Variants in SLC6A4 observed in about 807,000 individuals in gnomAD.
The protein encoded by SLC6A4 is solute carrier family 6 member 4, also known as sodium-dependent serotonin transporter.
A neutral mutation model predicts 73.4 loss-of-function variants in SLC6A4; 22 were observed. The ratio of observed to expected loss-of-function variants is 0.30; its 90% CI spans 0.21 to 0.43. The LOEUF (loss-of-function observed/expected upper bound fraction) is 0.43. SLC6A4 is among the 20% of genes least tolerant of loss of function. SLC6A4 has a pLI of 1.00. For synonymous variants in SLC6A4, 270 were observed against 315.5 expected, an observed-to-expected ratio of 0.86 and a Z score of 1.53; for missense variants, 593 against 808.5, an observed-to-expected ratio of 0.73 and a Z score of 3.23.
chr17:30,210,198 A>C (rs1342605255), intron 11 of SLC6A4, among the ~76,000 whole-genome samples: 2 of 152,234 alleles, frequency 1.3e-5, no homozygotes, highest in Non-Finnish European at 2.9e-5. Flanking sequence ...TCCTCAAGAA[A>C]GCAGCTCTAA....
intron 1 of SLC6A4, among the ~76,000 whole-genome samples, chr17:30,226,849 G>A (rs1426122418): frequency 7.0e-6 from 1 of 143,772 alleles, no homozygotes; most frequent in East Asian, 1.9e-4. Context: ...CTCCAGCCTG[G>A]GCGATAGAGT....
At chr17:30,208,284 G>A (rs1027451418) in intron 12 of SLC6A4, among the ~76,000 whole-genome samples, 1 of 152,100 alleles carries the variant, frequency 6.6e-6, no homozygotes, top group Non-Finnish European at 1.5e-5. Flanking sequence ...TGGTGAACCC[G>A]CCTGACAGAC....
intron 4 of SLC6A4, 30 bp from the exon 5 acceptor site, chr17:30,218,367 G>A: frequency 3.2e-6 from 5 of 1,579,506 alleles, no homozygotes; most frequent in Non-Finnish European, 4.3e-6. Context: ...GAGAGACAGA[G>A]GCCGAGTTTA....
At position 30,198,087 on chromosome 17, in the gene SLC6A4, GCAAA is replaced by G; in HGVS notation, c.*365_*368del. On this transcript the variant is annotated 3_prime_UTR_variant, in exon 15 of 15. Coordinates refer to ENST00000650711, the MANE Select transcript of SLC6A4 (RefSeq NM_001045.6). ...TTCATGAACAGTGAAACCTTTAGAAGCAAACAGATATCAGATACCAATGATCATA... is the reference window on the plus strand; with the variant it reads ...TTCATGAACAGTGAAACCTTTAGAAGCAGATATCAGATACCAATGATCATA... 1 of 207,028 alleles carries G rather than the reference GCAAA, an allele frequency of 4.8e-6. No homozygotes were observed. Among genetic ancestry groups the G allele is most frequent in the East Asian group, 1.1e-4 (1 of 9,130 alleles). The allele number at this position is 207,028 out of a possible 1,614,324, so 12.8% of individuals were successfully genotyped here.
chr17:30,203,189 GA>G lies in SLC6A4; in HGVS notation c.1800del (p.Pro601GlnfsTer27). 1 of 1,613,678 alleles carries G rather than the reference GA, an allele frequency of 6.2e-7. No homozygotes were observed. Reference protein sequence around the residue: ...PTYIAYRLIITPGTFKERIIK... With the variant: ...PTYIAYRLIIXPGTFKERIIK... ...GCACGTACCTCTTTAAATGTCCCTG[GA>G]GTGATGATCAACCGATAAGCTATAT... On this transcript the variant is annotated frameshift_variant, in exon 14 of 15. Transcript: ENST00000650711. LOFTEE classifies it high-confidence loss of function.
chr17:30,215,503 C>T lies in SLC6A4; in HGVS notation c.1076+108G>A. On this transcript the variant is annotated intron_variant, in intron 8 of 14. Transcript: ENST00000650711. ...CCCCTGAGGGGCAGTGGTATCAAGG[C>T]CTAAGCCTGGCCAGATTCGAGGCCG... 5.6e-6 allele frequency: 5 copies of T among 885,414 alleles called. No homozygotes were observed. In the South Asian group the frequency reaches 7.2e-5, roughly 13 times the overall value. 54.8% of individuals were successfully genotyped at this position (885,414 alleles called of 1,614,324 possible).
chr17:30,205,477 G>C (rs948180021), intron 13 of SLC6A4, among the ~76,000 whole-genome samples: 10 of 152,264 alleles, frequency 6.6e-5, no homozygotes, highest in Admixed American at 1.3e-4. Flanking sequence ...ATTTATGTCA[G>C]GGCTTCTGCT....
chr17:30,224,731 C>T (rs1280812804), intron 1 of SLC6A4, among the ~76,000 whole-genome samples: 3 of 152,214 alleles, frequency 2.0e-5, no homozygotes, highest in Admixed American at 1.3e-4. Context: ...AGTTACCCTC[C>T]TGCCTCAGGG....
intron 14 of SLC6A4, among the ~76,000 whole-genome samples, chr17:30,200,018 C>G (rs1234527200): frequency 1.3e-5 from 2 of 152,180 alleles, no homozygotes; most frequent in Admixed American, 6.5e-5. Context: ...CCTGCCTCAG[C>G]CTCCCAAGTA....
intron 1 of SLC6A4, among the ~76,000 whole-genome samples, chr17:30,232,994 A>G (rs1907160054): frequency 6.6e-6 from 1 of 152,202 alleles, no homozygotes; most frequent in Non-Finnish European, 1.5e-5. Flanking sequence ...CATTGATGCC[A>G]GGTTTCTGTG....
intron 1 of SLC6A4, among the ~76,000 whole-genome samples, chr17:30,232,482 C>G (rs1001028247): frequency 6.6e-6 from 1 of 152,246 alleles, no homozygotes; most frequent in Admixed American, 6.5e-5. Flanking sequence ...TGGGTTGCGT[C>G]TCTCCTTTTG....
chr17:30,204,412 A>G (rs764733485), intron 13 of SLC6A4: 3 of 152,130 alleles, frequency 2.0e-5, no homozygotes, highest in Non-Finnish European at 2.9e-5. Context: ...AACCTGGTCA[A>G]TTGCAAACCT....
At chr17:30,206,251 A>G (rs1906191490) in intron 13 of SLC6A4, 1 of 152,062 alleles carries the variant, frequency 6.6e-6, no homozygotes, top group African/African-American at 2.4e-5. Context: ...CAAAAAAAAA[A>G]AAAAAAACAC....
At chr17:30,219,758 C>G (rs980005182) in intron 3 of SLC6A4, among the ~76,000 whole-genome samples, 5 of 152,152 alleles carry the variant, frequency 3.3e-5, no homozygotes, top group African/African-American at 1.2e-4. Flanking sequence ...TAACCTGCAG[C>G]CTGAGTTTTT....
At chr17:30,225,672 G>T (rs56385837) in intron 1 of SLC6A4, among the ~76,000 whole-genome samples, 1 of 152,276 alleles carries the variant, frequency 6.6e-6, no homozygotes, top group East Asian at 1.9e-4. Flanking sequence ...GTGTGCTGTT[G>T]TTCCAGGCTG....
intron 1 of SLC6A4, among the ~76,000 whole-genome samples, chr17:30,223,850 C>T (rs1484499387): frequency 6.6e-6 from 1 of 152,084 alleles, no homozygotes; most frequent in Admixed American, 6.6e-5. Flanking sequence ...CCTTGGCCTC[C>T]CCCCACTTCC....
rs1906372271 is a variant in SLC6A4 at position 30,211,135 on chromosome 17, C to T, written c.1317+177G>A. Among the ~76,000 whole-genome samples, 1 of 152,248 alleles carries T rather than the reference C, an allele frequency of 6.6e-6. No homozygotes were observed. Among genetic ancestry groups the T allele is most frequent in the Admixed American group, 6.5e-5 (1 of 15,286 alleles). ...TTGACCCACTTTATCCCATTAATGA[C>T]TCGAATGTACCAGAGGGTGGTAAAT... On this transcript the variant is annotated intron_variant, in intron 10 of 14. Transcript: ENST00000650711. The surrounding 1 kb of genome is among the most constrained non-coding windows in gnomAD (Gnocchi z 4.0).
chr17:30,227,276 T>C (rs1028071917), intron 1 of SLC6A4, among the ~76,000 whole-genome samples: 7 of 152,054 alleles, frequency 4.6e-5, no homozygotes, highest in South Asian at 2.1e-4. Flanking sequence ...TCGGAAGCCA[T>C]AGGGACTCCT....
In SLC6A4 at chr17:30,201,099, T is replaced by C. The variant is rs201372537; in HGVS notation, c.1818+2073A>G. Among the ~76,000 whole-genome samples, 4 of 152,142 alleles carry C rather than the reference T, an allele frequency of 2.6e-5. No homozygotes were observed. In the East Asian group the frequency reaches 7.7e-4, roughly 29 times the overall value. Reference sequence around the variant, plus strand: ...TGCCCGGCCAAGAAACCTGTTTAACTTGCCTTAGTCCAGCAGTCTCCAAAA... The same window carrying C: ...TGCCCGGCCAAGAAACCTGTTTAACCTGCCTTAGTCCAGCAGTCTCCAAAA... On this transcript the variant is annotated intron_variant, in intron 14 of 14. Coordinates refer to ENST00000650711, the MANE Select transcript of SLC6A4 (RefSeq NM_001045.6).
Sources: allele counts gnomAD v4.1 joint callset (sites outside exome capture counted in the v4.1 genomes callset), GRCh38; gene constraint gnomAD v4.1.1; non-coding constraint Gnocchi (gnomAD v3.1); transcripts MANE v1.5; gene names NCBI Gene and HGNC (gene_info 2026-07-23, HGNC 2026-07-21).